UST: variants seen among roughly 807,000 people sequenced by gnomAD.
The protein encoded by UST is uronyl 2-sulfotransferase.
A neutral mutation model predicts 45.6 loss-of-function variants in UST; 21 were observed. The observed-to-expected ratio is 0.46, with a 90% confidence interval of 0.33 to 0.66. The LOEUF (loss-of-function observed/expected upper bound fraction) is 0.66. Among genes scored for constraint, UST ranks in the 30% least tolerant of loss-of-function variants. The pLI, the probability that UST is intolerant of heterozygous loss-of-function variation, is 0.02. For missense variants in UST, 463 were observed against 512.4 expected (o/e 0.90, Z 0.93); for synonymous variants, 215 against 200.6 (o/e 1.07, Z -0.61).
intron 5 of UST, among the ~76,000 whole-genome samples, chr6:149,008,755 C>G (rs764478258): frequency 6.6e-6 from 1 of 152,224 alleles, no homozygotes; most frequent in African/African-American, 2.4e-5. Flanking sequence ...TCATCCCTAC[C>G]TGGGAAAGCC....
At chr6:148,817,027 A>G (rs1777368517) in intron 1 of UST, among the ~76,000 whole-genome samples, 1 of 152,230 alleles carries the variant, frequency 6.6e-6, no homozygotes, top group African/African-American at 2.4e-5. Flanking sequence ...ACTCCTGGTT[A>G]TCAAGATTGA....
At chr6:148,978,324 C>T (rs1024598663) in intron 5 of UST, among the ~76,000 whole-genome samples, 3 of 152,114 alleles carry the variant, frequency 2.0e-5, no homozygotes, top group African/African-American at 7.2e-5. Flanking sequence ...ACATCACATA[C>T]ATTTTATAGT....
intron 5 of UST, among the ~76,000 whole-genome samples, chr6:148,968,321 A>C (rs1237301533): frequency 1.3e-5 from 2 of 152,304 alleles, no homozygotes; most frequent in African/African-American, 4.8e-5. Flanking sequence ...TTTCTTTCCA[A>C]ACTCTTCTTC....
At position 148,964,529 on chromosome 6, in the gene UST, G is replaced by T. The variant is rs780349219; in HGVS notation, c.647G>T (p.Arg216Leu). The T allele has an allele frequency of 6.2e-7, 1 of 1,613,958 alleles. No homozygotes were observed. The highest frequency in any genetic ancestry group is 8.5e-7 in the Non-Finnish European group (1 of 1,180,006). The change falls in exon 5 of 8, where the codon CGC (arginine) becomes CTC (leucine). Residue 216 changes from arginine to leucine, a missense_variant. Physicochemically the swap from Arg to Leu is moderately radical, Grantham distance 102. This residue lies in a region of UST where 287 missense variants were observed against 374.2 expected (regional missense o/e 0.77). Coordinates refer to ENST00000367463, the MANE Select transcript of UST (RefSeq NM_005715.3). ...AGAGGGGAACAAAATCACATGATCC[G>T]CACCCCCAGCATGAGGCAGGAGGAG... ...DWRGEQNHMI[R>L]TPSMRQEERY...
chr6:148,768,344 A>G (rs1278214015), intron 1 of UST, among the ~76,000 whole-genome samples: 1 of 152,154 alleles, frequency 6.6e-6, no homozygotes, highest in Non-Finnish European at 1.5e-5. Flanking sequence ...TCTTTCTCTT[A>G]TCAATTCTAA....
At chr6:148,892,855 A>G (rs1779046370) in intron 2 of UST, among the ~76,000 whole-genome samples, 1 of 152,216 alleles carries the variant, frequency 6.6e-6, no homozygotes, top group South Asian at 2.1e-4. Context: ...AAGATATAGG[A>G]ATAATAAAAT....
At chr6:148,803,680 CAA>C in intron 1 of UST, among the ~76,000 whole-genome samples, 1 of 152,178 alleles carries the variant, frequency 6.6e-6, no homozygotes, top group African/African-American at 2.4e-5. Flanking sequence ...ACACTGCCCC[CAA>C]ACCCTCAGAG....
Position 148,789,451 on chromosome 6 carries a change from T to A in UST, c.247+41774T>A, listed in dbSNP as rs866475517. Among the ~76,000 whole-genome samples the A allele has an allele frequency of 7.9e-3, 1,046 of 132,930 alleles. 9 individuals are homozygous for A. The highest frequency in any genetic ancestry group is 0.024 in the African/African-American group (847 of 35,612). The allele number at this position is 132,930 out of a possible 152,430, so 87.2% of individuals were successfully genotyped here. On this transcript the variant is annotated intron_variant, in intron 1 of 7. Transcript: ENST00000367463. ...ATCTCTCTCTCTCTCTCTCTCTCTC[T>A]CTCACACACACACACACACACACAC...
At chr6:149,073,233 C>T (rs1034320575) in intron 7 of UST, among the ~76,000 whole-genome samples, 1 of 151,970 alleles carries the variant, frequency 6.6e-6, no homozygotes, top group Non-Finnish European at 1.5e-5. Context: ...CTCTTGATGC[C>T]GAGACCAGTC....
chr6:149,017,097 G>T (rs555120265), intron 5 of UST, among the ~76,000 whole-genome samples: 73 of 152,366 alleles, frequency 4.8e-4, no homozygotes, highest in Admixed American at 2.7e-3. Flanking sequence ...GTAAGATGCA[G>T]CCGGGCACAG....
intron 7 of UST, among the ~76,000 whole-genome samples, chr6:149,050,596 T>C (rs375436274): frequency 6.6e-6 from 1 of 152,250 alleles, no homozygotes; most frequent in Non-Finnish European, 1.5e-5. Flanking sequence ...ACCAGCATTA[T>C]TGAGGAGTGA....
intron 1 of UST, among the ~76,000 whole-genome samples, chr6:148,854,963 T>G (rs924100811): frequency 6.6e-6 from 1 of 152,132 alleles, no homozygotes; most frequent in African/African-American, 2.4e-5. Flanking sequence ...GACGTCGGGT[T>G]CCACGTGGCT....
intron 2 of UST, among the ~76,000 whole-genome samples, chr6:148,894,017 T>C (rs1779071603): frequency 6.6e-6 from 1 of 151,986 alleles, no homozygotes; most frequent in Non-Finnish European, 1.5e-5. Context: ...AGACTCTGTC[T>C]CTTCAAAAAA....
intron 1 of UST, 145 bp from the exon 2 acceptor site, chr6:148,886,841 C>A: frequency 1.4e-6 from 1 of 713,594 alleles, no homozygotes. Context: ...TCCAGTCAAA[C>A]CAGTGATTAA....
intron 3 of UST, among the ~76,000 whole-genome samples, chr6:148,945,454 G>A (rs542547427): frequency 6.6e-6 from 1 of 152,284 alleles, no homozygotes; most frequent in South Asian, 2.1e-4. Context: ...CTGGGGTAGA[G>A]CCCAGAAAAC....
chr6:149,043,007 CTTT>C (rs1776341499), intron 7 of UST, among the ~76,000 whole-genome samples: 1 of 112,398 alleles, frequency 8.9e-6, no homozygotes, highest in Admixed American at 7.8e-5. Context: ...TTCTTTCTTT[CTTT>C]CTTTCTTTCT....
At chr6:148,894,346 A>AGAAG (rs1779077367) in intron 2 of UST, among the ~76,000 whole-genome samples, 2 of 152,222 alleles carry the variant, frequency 1.3e-5, no homozygotes, top group Non-Finnish European at 1.5e-5. Flanking sequence ...GTCATACTGG[A>AGAAG]GAAGGGTGGA....
intron 1 of UST, among the ~76,000 whole-genome samples, chr6:148,777,744 A>T (rs1264798914): frequency 6.6e-6 from 1 of 152,074 alleles, no homozygotes; most frequent in Non-Finnish European, 1.5e-5. Flanking sequence ...ATGGGGTTTC[A>T]CCATGTTGTC....
chr6:149,053,153 T>G (rs1346457715), intron 7 of UST, among the ~76,000 whole-genome samples: 1 of 152,202 alleles, frequency 6.6e-6, no homozygotes, highest in Non-Finnish European at 1.5e-5. Flanking sequence ...TTTTAGTTGT[T>G]TAGATATAAA....
Sources: gnomAD v4.1 joint callset for allele counts (sites outside exome capture counted in the v4.1 genomes callset) on GRCh38, gnomAD v4.1.1 for gene constraint, gnomAD v4.1.1 regional missense constraint, MANE v1.5 for transcripts, NCBI Gene and HGNC (gene_info 2026-07-23, HGNC 2026-07-21) for gene names.